Variants in GPC5 observed in about 807,000 individuals in gnomAD.
GPC5 encodes glypican 5, also known as glypican-5.
Under a neutral mutation model 53.9 loss-of-function variants are expected in GPC5, and 47 were observed. The ratio of observed to expected loss-of-function variants is 0.87; its 90% CI spans 0.69 to 1.11. The LOEUF is 1.11. Ranked by LOEUF, GPC5 falls within the 50% of genes most tolerant of loss-of-function variation. The probability of loss-of-function intolerance (pLI) is 0.00; values close to 1 mark genes in which losing one functional copy is unlikely to be tolerated. For synonymous variants in GPC5, 286 were observed against 263.3 expected, an observed-to-expected ratio of 1.09 and a Z score of -0.84; for missense variants, 748 against 713.1, an observed-to-expected ratio of 1.05 and a Z score of -0.56.
intron 5 of GPC5, among the ~76,000 whole-genome samples, chr13:91,813,111 C>T (rs2038339261): frequency 6.6e-6 from 1 of 152,148 alleles, no homozygotes; most frequent in Non-Finnish European, 1.5e-5. Context: ...TACTTGTCAC[C>T]TTTTGTAGTT....
chr13:92,583,989 C>T (rs112518383), intron 7 of GPC5, among the ~76,000 whole-genome samples: 1,707 of 152,228 alleles, frequency 0.011, 35 homozygotes, highest in African/African-American at 0.039. Flanking sequence ...TGAGGCTTCC[C>T]CAGCCACACG....
chr13:91,752,617 A>C (rs1440680767), intron 4 of GPC5, among the ~76,000 whole-genome samples: 4 of 152,172 alleles, frequency 2.6e-5, no homozygotes, highest in South Asian at 2.1e-4. Context: ...TTAACTTTGA[A>C]GTTTTCTTCC....
intron 5 of GPC5, among the ~76,000 whole-genome samples, chr13:91,767,937 A>T (rs1400443560): frequency 6.6e-6 from 1 of 152,158 alleles, no homozygotes; most frequent in African/African-American, 2.4e-5. Flanking sequence ...AGGCTCCAGG[A>T]TGCCTGTTCT....
chr13:92,353,000 C>T (rs1302730992), intron 7 of GPC5, among the ~76,000 whole-genome samples: 1 of 152,010 alleles, frequency 6.6e-6, no homozygotes, highest in Admixed American at 6.6e-5. Flanking sequence ...GTGGCTCACG[C>T]CTGTAATCCC....
At chr13:91,755,783 C>T (rs368514107) in intron 4 of GPC5, among the ~76,000 whole-genome samples, 29 of 151,910 alleles carry the variant, frequency 1.9e-4, no homozygotes, top group African/African-American at 6.3e-4. Context: ...TCTTAGATAC[C>T]AAGAAGACCC....
At chr13:92,091,076 C>T (rs1425217859) in intron 6 of GPC5, among the ~76,000 whole-genome samples, 11 of 152,132 alleles carry the variant, frequency 7.2e-5, no homozygotes, top group South Asian at 2.1e-4. Flanking sequence ...TCCAGAATTG[C>T]GAGAAATAAA....
At chr13:92,436,431 C>T (rs1262635628) in intron 7 of GPC5, among the ~76,000 whole-genome samples, 4 of 152,146 alleles carry the variant, frequency 2.6e-5, no homozygotes, top group Non-Finnish European at 5.9e-5. Context: ...CGCTGGCATC[C>T]ATGAAACTGT....
chr13:92,443,093 C>T (rs1008341444), intron 7 of GPC5, among the ~76,000 whole-genome samples: 11 of 152,208 alleles, frequency 7.2e-5, no homozygotes, highest in African/African-American at 1.4e-4. Flanking sequence ...GGTGAGGCCT[C>T]AAGAAGCTTA....
At chr13:92,421,205 T>C (rs1172146220) in intron 7 of GPC5, among the ~76,000 whole-genome samples, 1 of 152,168 alleles carries the variant, frequency 6.6e-6, no homozygotes, top group African/African-American at 2.4e-5. Context: ...TAAGAGACAG[T>C]ACTTTGGTAT....
At chr13:91,685,869 C>T (rs1055257682) in intron 2 of GPC5, among the ~76,000 whole-genome samples, 11 of 150,844 alleles carry the variant, frequency 7.3e-5, no homozygotes, top group Non-Finnish European at 1.2e-4. Context: ...TATGAGTTAG[C>T]AGAATGAAAG....
chr13:92,385,854 A>G (rs866626485), intron 7 of GPC5, among the ~76,000 whole-genome samples: 86 of 141,688 alleles, frequency 6.1e-4, no homozygotes, highest in African/African-American at 1.9e-3. Flanking sequence ...AAGAAATAAA[A>G]CATAAACTAT....
intron 5 of GPC5, among the ~76,000 whole-genome samples, chr13:91,880,534 T>A (rs780080787): frequency 1.8e-4 from 27 of 152,320 alleles, no homozygotes; most frequent in Non-Finnish European, 2.9e-4. Context: ...TTTATTTTGA[T>A]TTGTAAAGTT....
At chr13:92,130,181 A>G (rs1314366187) in intron 6 of GPC5, among the ~76,000 whole-genome samples, 1 of 152,082 alleles carries the variant, frequency 6.6e-6, no homozygotes, top group Non-Finnish European at 1.5e-5. Flanking sequence ...TGAAAAACAC[A>G]AAAGTGAGAC....
At chr13:91,909,922 T>C (rs1226964571) in intron 6 of GPC5, among the ~76,000 whole-genome samples, 3 of 152,152 alleles carry the variant, frequency 2.0e-5, no homozygotes, top group Admixed American at 1.3e-4. Flanking sequence ...CTTTTTTAGC[T>C]TCTGTGTGAA....
At chr13:92,182,573 A>G (rs1717613791) in intron 7 of GPC5, among the ~76,000 whole-genome samples, 1 of 152,160 alleles carries the variant, frequency 6.6e-6, no homozygotes, top group African/African-American at 2.4e-5. Flanking sequence ...TTATTCATAA[A>G]CCATATTTTG....
chr13:91,459,346 C>G (rs1021830397), intron 2 of GPC5, among the ~76,000 whole-genome samples: 1 of 151,944 alleles, frequency 6.6e-6, no homozygotes, highest in Non-Finnish European at 1.5e-5. Flanking sequence ...ATCTAGTTGT[C>G]TAATCTATCA....
chr13:91,691,398 G>A (rs541916343), intron 2 of GPC5, among the ~76,000 whole-genome samples: 11 of 152,186 alleles, frequency 7.2e-5, no homozygotes, highest in African/African-American at 2.6e-4. Flanking sequence ...AGGCCATTTG[G>A]GGAAACCTGG....
intron 2 of GPC5, among the ~76,000 whole-genome samples, chr13:91,670,664 T>C (rs1049267639): frequency 6.6e-6 from 1 of 152,198 alleles, no homozygotes. Flanking sequence ...TGCTTCAGTC[T>C]ATAAATTGGA....
At chr13:92,370,754 G>A (rs1406384641) in intron 7 of GPC5, among the ~76,000 whole-genome samples, 1 of 152,056 alleles carries the variant, frequency 6.6e-6, no homozygotes, top group East Asian at 1.9e-4. Flanking sequence ...TTTTTTATAA[G>A]ATATATTTTA....
Sources: gnomAD v4.1 joint callset for allele counts (sites outside exome capture counted in the v4.1 genomes callset) on GRCh38, gnomAD v4.1.1 for gene constraint, MANE v1.5 for transcripts, NCBI Gene and HGNC (gene_info 2026-07-23, HGNC 2026-07-21) for gene names.